The following KCTD3 variants were observed in gnomAD, a reference collection of about 807,000 sequenced individuals.
KCTD3 encodes potassium channel tetramerization domain containing 3.
In KCTD3, 41 loss-of-function variants were observed where a neutral mutation model predicts 85.8. The observed-to-expected ratio is 0.48, with a 90% CI of 0.37 to 0.62. KCTD3 has a LOEUF of 0.62. KCTD3 is among the 20% of genes least tolerant of loss of function. The pLI is 0.00. For missense variants in KCTD3, 724 were observed against 989.9 expected, an observed-to-expected ratio of 0.73 and a Z score of 3.60; for synonymous variants, 338 against 345.4, an observed-to-expected ratio of 0.98 and a Z score of 0.24.
At chr1:215,593,534 A>AT (rs1312885910) in intron 9 of KCTD3, among the ~76,000 whole-genome samples, 1 of 152,232 alleles carries the variant, frequency 6.6e-6, no homozygotes, top group Non-Finnish European at 1.5e-5. Context: ...TAGCACCAGT[A>AT]TAAGATTCAA....
intron 15 of KCTD3, chr1:215,618,211 T>G (rs1447182451): frequency 1.4e-5 from 6 of 434,520 alleles, no homozygotes; most frequent in Non-Finnish European, 2.9e-5. Flanking sequence ...GAAAAATACT[T>G]TGGTTTGTTT....
At chr1:215,600,463 C>T (rs1207100165) in intron 10 of KCTD3, among the ~76,000 whole-genome samples, 1 of 152,096 alleles carries the variant, frequency 6.6e-6, no homozygotes, top group Non-Finnish European at 1.5e-5. Flanking sequence ...TGCTCTTCAC[C>T]CACCAGCACT....
chr1:215,615,879 C>T (rs1167434052), intron 15 of KCTD3, among the ~76,000 whole-genome samples: 1 of 152,084 alleles, frequency 6.6e-6, no homozygotes, highest in East Asian at 1.9e-4. Flanking sequence ...TGTGACTGGA[C>T]AAAAAGTTGT....
intron 10 of KCTD3, among the ~76,000 whole-genome samples, chr1:215,600,414 C>G (rs1159934452): frequency 6.6e-6 from 1 of 152,192 alleles, no homozygotes; most frequent in Non-Finnish European, 1.5e-5. Context: ...TGACTTCAGT[C>G]TTCAAGCTTC....
At chr1:215,583,783 C>T (rs1659912654) in intron 8 of KCTD3, among the ~76,000 whole-genome samples, 1 of 152,144 alleles carries the variant, frequency 6.6e-6, no homozygotes, top group South Asian at 2.1e-4. Flanking sequence ...CTATTAGGGT[C>T]TTCTGCATTC....
chr1:215,568,871 T>G (rs1459403302), intron 1 of KCTD3, among the ~76,000 whole-genome samples: 2 of 152,238 alleles, frequency 1.3e-5, no homozygotes, highest in East Asian at 3.9e-4. Context: ...AATCAAAACT[T>G]AGATAATTTA....
chr1:215,579,179 G>C, intron 7 of KCTD3, 42 bp downstream of exon 7: 1 of 1,543,922 alleles, frequency 6.5e-7, no homozygotes, highest in Non-Finnish European at 8.9e-7. Flanking sequence ...AAATACGTAT[G>C]TTTTTAGTGC....
At chr1:215,599,843 G>A (rs1373969506) in intron 10 of KCTD3, among the ~76,000 whole-genome samples, 1 of 147,502 alleles carries the variant, frequency 6.8e-6, no homozygotes, top group Middle Eastern at 3.4e-3. Flanking sequence ...TGGTAAAAAT[G>A]TTTGCCTTTG....
In KCTD3 at chr1:215,611,839, C is replaced by T; in HGVS notation, c.1480C>T (p.Arg494Ter). 1 of 1,604,222 alleles carries T rather than the reference C, an allele frequency of 6.2e-7. No homozygotes were observed. The highest frequency in any genetic ancestry group is 8.5e-7 in the Non-Finnish European group (1 of 1,173,538). The change falls in exon 15 of 18, where the codon CGA becomes TGA. Residue 494 changes from arginine to a stop codon, truncating the protein, a stop_gained. Coordinates refer to ENST00000259154, the MANE Select transcript of KCTD3 (RefSeq NM_016121.5). LOFTEE classifies it high-confidence loss of function. ...SGNDIGPFGE[R>*]DDQQVFIQKV... ...TTCTGATCAAGGACCTTTTGGAGAGCGAGACGATCAACAGGTGTTTATCCA... is the reference window on the plus strand; with the variant it reads ...TTCTGATCAAGGACCTTTTGGAGAGTGAGACGATCAACAGGTGTTTATCCA...
At chr1:215,604,341 T>C (rs368089194) in intron 13 of KCTD3, 39 bp downstream of exon 13, 9 of 1,497,608 alleles carry the variant, frequency 6.0e-6, no homozygotes, top group Non-Finnish European at 8.3e-6. Flanking sequence ...AACTTGGCTC[T>C]GTGTGTTATT....
chr1:215,620,910 T>C lies in KCTD3; in HGVS notation c.*292T>C, dbSNP rs1363182666. 1.1e-5 allele frequency: 4 copies of C among 378,016 alleles called. No individual in the cohort carries two copies. The highest frequency in any genetic ancestry group is 8.4e-5 in the African/African-American group (4 of 47,796). 23.4% of individuals were successfully genotyped at this position (378,016 alleles called of 1,614,324 possible). ...TTGGAAACATATTACCACGTCTTAATAGGATGGTGCCCATATAGGTGAGCA... is the reference window on the plus strand; with the variant it reads ...TTGGAAACATATTACCACGTCTTAACAGGATGGTGCCCATATAGGTGAGCA... On this transcript the variant is annotated 3_prime_UTR_variant, in exon 18 of 18. Coordinates refer to ENST00000259154, the MANE Select transcript of KCTD3 (RefSeq NM_016121.5).
chr1:215,573,998 C>A, intron 2 of KCTD3, 75 bp from the exon 3 acceptor site: 1 of 1,157,908 alleles, frequency 8.6e-7, no homozygotes, highest in Non-Finnish European at 1.3e-6. Flanking sequence ...TGGTCTTTAA[C>A]ATTTGGTAAA....
chr1:215,595,206 TTTC>T, intron 9 of KCTD3, 147 bp from the exon 10 acceptor site: 1 of 583,932 alleles, frequency 1.7e-6, no homozygotes, highest in Non-Finnish European at 3.0e-6. Flanking sequence ...AGCTTGTGAG[TTTC>T]TTATTTCTAG....
rs1328087802 is a variant in KCTD3, at chr1:215,618,981, G to A, written c.1658G>A (p.Arg553His). Residue 553 changes from arginine (R) to histidine (H), a missense_variant, in exon 16 of 18, where the codon CGC becomes CAC. Coordinates refer to ENST00000259154, the MANE Select transcript of KCTD3 (RefSeq NM_016121.5). Reference protein sequence around the residue: ...GSSRMGSRPRRYLFTGHTNGS... With the variant: ...GSSRMGSRPRHYLFTGHTNGS... ...AGTAGGATGGGCTCAAGACCAAGGC[G>A]CTACTTGTTCACAGGCCATACAAAT... 5.0e-6 allele frequency: 8 copies of A among 1,613,794 alleles called. No individual in the cohort carries two copies. The highest frequency in any genetic ancestry group is 2.2e-5 in the South Asian group (2 of 91,040).
intron 10 of KCTD3, among the ~76,000 whole-genome samples, chr1:215,596,360 T>C (rs1660416459): frequency 1.3e-5 from 2 of 152,068 alleles, no homozygotes; most frequent in Non-Finnish European, 1.5e-5. Context: ...AAGTACTCCT[T>C]TGGAATTTGG....
At chr1:215,612,768 AT>A (rs1343603222) in intron 15 of KCTD3, among the ~76,000 whole-genome samples, 2 of 152,182 alleles carry the variant, frequency 1.3e-5, no homozygotes, top group Non-Finnish European at 2.9e-5. Context: ...AATTTCAAAA[AT>A]GAAATATCTC....
In KCTD3 at chr1:215,586,407, G is replaced by A. The variant is rs536379583; in HGVS notation, c.627-88G>A. 88 of 1,068,964 alleles carry A rather than the reference G, an allele frequency of 8.2e-5. 2 individuals are homozygous for A. The South Asian group carries it at 1.5e-3, about 19-fold the overall frequency. 66.2% of individuals were successfully genotyped at this position (1,068,964 alleles called of 1,614,324 possible). ...TTTAGTTTTTTTTTTGTTTTTTGTT[G>A]TTGTTTTTTGTTTTTGGTGCATTGA... On this transcript the variant is annotated intron_variant, in intron 8 of 17. Transcript: ENST00000259154.
At chr1:215,573,691 T>A (rs931532770) in intron 1 of KCTD3, 95 bp from the exon 2 acceptor site, 3 of 707,432 alleles carry the variant, frequency 4.2e-6, no homozygotes, top group African/African-American at 3.6e-5. Flanking sequence ...TAAAACATCT[T>A]GTAAATCATT....
chr1:215,583,773 C>A (rs954474740), intron 8 of KCTD3, among the ~76,000 whole-genome samples: 1 of 152,104 alleles, frequency 6.6e-6, no homozygotes, highest in African/African-American at 2.4e-5. Flanking sequence ...GTATTTCTGC[C>A]TATTAGGGTC....
Sources: allele counts gnomAD v4.1 joint callset (sites outside exome capture counted in the v4.1 genomes callset), GRCh38; gene constraint gnomAD v4.1.1; transcripts MANE v1.5; gene names NCBI Gene and HGNC (gene_info 2026-07-23, HGNC 2026-07-21).